THSD7B: variants seen among roughly 807,000 people sequenced by gnomAD.
THSD7B encodes thrombospondin type-1 domain-containing protein 7B.
A neutral mutation model predicts 213.6 loss-of-function variants in THSD7B; 138 were observed. The observed-to-expected ratio is 0.65, with a 90% CI of 0.56 to 0.74. The LOEUF (loss-of-function observed/expected upper bound fraction) is 0.74, where lower values mean the gene tolerates loss of function less well. Among genes scored for constraint, THSD7B ranks in the 30% least tolerant of loss-of-function variants. The probability of loss-of-function intolerance (pLI) is 0.00; values close to 1 mark genes in which losing one functional copy is unlikely to be tolerated. For missense variants in THSD7B, 1,931 were observed against 1,991.5 expected (o/e 0.97, Z 0.58); for synonymous variants, 742 against 687.0 (o/e 1.08, Z -1.25).
At chr2:137,196,934 C>G (rs142770950) in intron 7 of THSD7B, among the ~76,000 whole-genome samples, 1 of 152,120 alleles carries the variant, frequency 6.6e-6, no homozygotes, top group African/African-American at 2.4e-5. Context: ...TAATGCACAG[C>G]GGGCTCCTCC....
chr2:137,674,028 A>ATATT lies in THSD7B; in HGVS notation c.4740-2494_4740-2491dup, dbSNP rs1490841976. On this transcript the variant is annotated intron_variant, in intron 27 of 27. Coordinates refer to ENST00000409968, the MANE Select transcript of THSD7B (RefSeq NM_001316349.2). The stretch of plus-strand genomic sequence containing the variant: ...TCCAAACATGGTAAGTGGTATAAAC[A>ATATT]TATTTGTGTAAATTTTGAATAGAAT... Among the ~76,000 whole-genome samples, 41 of 152,310 alleles carry ATATT rather than the reference A, an allele frequency of 2.7e-4. 1 individual carries two copies. Among genetic ancestry groups the ATATT allele is most frequent in the African/African-American group, 7.2e-4 (30 of 41,562 alleles).
chr2:137,422,086 C>T (rs1286258142), intron 14 of THSD7B, among the ~76,000 whole-genome samples: 1 of 152,172 alleles, frequency 6.6e-6, no homozygotes, highest in Non-Finnish European at 1.5e-5. Flanking sequence ...CAATTTGAAA[C>T]TTTGCTCAAC....
intron 5 of THSD7B, among the ~76,000 whole-genome samples, chr2:137,139,967 T>C (rs1258584072): frequency 6.6e-6 from 1 of 152,138 alleles, no homozygotes; most frequent in African/African-American, 2.4e-5. Flanking sequence ...TTGGTTTTTA[T>C]TCATAAAGGA....
chr2:137,034,460 T>C (rs1369571742), intron 2 of THSD7B, among the ~76,000 whole-genome samples: 1 of 152,190 alleles, frequency 6.6e-6, no homozygotes, highest in African/African-American at 2.4e-5. Flanking sequence ...ATACATGTCC[T>C]GAACATGCAG....
intron 15 of THSD7B, among the ~76,000 whole-genome samples, chr2:137,546,376 A>ATAT (rs1374609313): frequency 2.3e-5 from 1 of 44,366 alleles, no homozygotes; most frequent in African/African-American, 1.1e-4. Context: ...ATATATATAT[A>ATAT]ATATATATAT....
At chr2:136,912,188 G>A (rs1295814964) in intron 2 of THSD7B, among the ~76,000 whole-genome samples, 1 of 151,908 alleles carries the variant, frequency 6.6e-6, no homozygotes, top group Non-Finnish European at 1.5e-5. Flanking sequence ...CGGGTGTGCT[G>A]GTGGGCGCCC....
intron 15 of THSD7B, among the ~76,000 whole-genome samples, chr2:137,491,556 A>G (rs894866845): frequency 2.6e-5 from 4 of 152,186 alleles, no homozygotes; most frequent in Non-Finnish European, 5.9e-5. Context: ...TTTTAGCTAA[A>G]TGGACTAGTA....
chr2:137,578,273 C>T (rs1296353150), intron 17 of THSD7B, among the ~76,000 whole-genome samples: 3 of 152,138 alleles, frequency 2.0e-5, no homozygotes, highest in Non-Finnish European at 2.9e-5. Context: ...GCTAGGCAAA[C>T]AAAATGATCT....
chr2:137,405,214 A>G (rs1263000031), intron 12 of THSD7B, among the ~76,000 whole-genome samples: 1 of 149,520 alleles, frequency 6.7e-6, no homozygotes, highest in African/African-American at 2.5e-5. Context: ...AAAAAAAAAA[A>G]TGACATCTAG....
intron 7 of THSD7B, among the ~76,000 whole-genome samples, chr2:137,186,208 T>C (rs557573568): frequency 3.3e-5 from 5 of 152,334 alleles, no homozygotes; most frequent in African/African-American, 1.2e-4. Flanking sequence ...ATAGTTTTTC[T>C]TGCTGTGCAG....
intron 12 of THSD7B, among the ~76,000 whole-genome samples, chr2:137,317,823 C>G (rs1354580030): frequency 6.6e-6 from 1 of 152,100 alleles, no homozygotes; most frequent in African/African-American, 2.4e-5. Context: ...AAGACTGAGA[C>G]TGAGGCCAGA....
chr2:137,072,227 T>C (rs1687508406), intron 3 of THSD7B, among the ~76,000 whole-genome samples: 1 of 152,206 alleles, frequency 6.6e-6, no homozygotes, highest in African/African-American at 2.4e-5. Context: ...TATTGATTCT[T>C]CCTACCCATG....
intron 12 of THSD7B, among the ~76,000 whole-genome samples, chr2:137,349,581 C>T (rs572991516): frequency 6.6e-6 from 1 of 151,958 alleles, no homozygotes; most frequent in African/African-American, 2.4e-5. Context: ...AGCTGTCTGA[C>T]TCACTTAGAA....
At chr2:136,851,495 T>C (rs1683098780) in intron 1 of THSD7B, among the ~76,000 whole-genome samples, 1 of 152,174 alleles carries the variant, frequency 6.6e-6, no homozygotes, top group South Asian at 2.1e-4. Flanking sequence ...TGTCATTGTA[T>C]TGTTAGGTCT....
intron 26 of THSD7B, among the ~76,000 whole-genome samples, chr2:137,666,633 T>G (rs1042188430): frequency 6.6e-6 from 1 of 151,296 alleles, no homozygotes; most frequent in African/African-American, 2.4e-5. Flanking sequence ...TCTCTGTGTG[T>G]GTTTCTTCCA....
At chr2:137,231,980 C>A (rs191252942) in intron 8 of THSD7B, among the ~76,000 whole-genome samples, 1 of 152,028 alleles carries the variant, frequency 6.6e-6, no homozygotes, top group Admixed American at 6.6e-5. Flanking sequence ...TTTGATCCTG[C>A]GAAATGGGGC....
chr2:137,397,201 G>A lies in THSD7B; in HGVS notation c.2501-8412G>A, dbSNP rs550254901. Among the ~76,000 whole-genome samples, 94 of 152,018 alleles carry A rather than the reference G, an allele frequency of 6.2e-4. 1 individual carries two copies. The highest frequency in any genetic ancestry group is 2.0e-3 in the African/African-American group (83 of 41,448). On this transcript the variant is annotated intron_variant, in intron 12 of 27. Coordinates refer to ENST00000409968, the MANE Select transcript of THSD7B (RefSeq NM_001316349.2). ...TATTGTTATGTGTGAATTTGATCCT[G>A]TCATTATGATGTTAGCTGGTGATTT...
chr2:137,075,509 A>G (rs1049315527), intron 3 of THSD7B, among the ~76,000 whole-genome samples: 1 of 152,070 alleles, frequency 6.6e-6, no homozygotes, highest in Non-Finnish European at 1.5e-5. Flanking sequence ...CAAAGCTTTT[A>G]ACTTCTTTCC....
chr2:137,103,052 C>A (rs1280262317), intron 4 of THSD7B, among the ~76,000 whole-genome samples: 1 of 152,084 alleles, frequency 6.6e-6, no homozygotes, highest in African/African-American at 2.4e-5. Flanking sequence ...CAAAAATACT[C>A]CTCAATAAGA....
Sources: gnomAD v4.1 joint callset for allele counts (sites outside exome capture counted in the v4.1 genomes callset) on GRCh38, gnomAD v4.1.1 for gene constraint, MANE v1.5 for transcripts, NCBI Gene and HGNC (gene_info 2026-07-23, HGNC 2026-07-21) for gene names.